Variants in CHRAC1 observed in about 807,000 individuals in gnomAD.
The protein encoded by CHRAC1 is chromatin accessibility complex subunit 1, also known as chromatin accessibility complex protein 1.
CHRAC1 carries 6 observed loss-of-function variants against 9.1 expected under a neutral mutation model. That is an observed-to-expected ratio of 0.66 (90% CI 0.36 to 1.29). CHRAC1 has a LOEUF of 1.29. Ranked by LOEUF, CHRAC1 falls within the 50% of genes most tolerant of loss-of-function variation. The pLI is 0.03. For synonymous variants in CHRAC1, 73 were observed against 64.5 expected (o/e 1.13, Z -0.63); for missense variants, 168 against 163.5 (o/e 1.03, Z -0.15).
chr8:140,511,597 A>G lies in CHRAC1; in HGVS notation c.98A>G (p.Glu33Gly). The G allele has an allele frequency of 1.3e-6, 2 of 1,489,780 alleles. No individual in the cohort carries two copies. Among genetic ancestry groups the G allele is most frequent in the Non-Finnish European group, 1.8e-6 (2 of 1,114,182 alleles). The allele number at this position is 1,489,780 out of a possible 1,614,324, so 92.3% of individuals were successfully genotyped here. A position where few individuals can be genotyped will look rare whatever the true frequency, so the allele number is the denominator to read the frequency against. Residue 33 changes from glutamate to glycine, a missense_variant, in exon 1 of 3, where the codon GAG becomes GGG. Physicochemically the swap from Glu to Gly is moderately conservative, Grantham distance 98. Transcript: ENST00000220913. ...CGGGTCATCATGAAGAGCTCCCCCG[A>G]GGTGTCCAGCATCAACCAGGAGGCG... Reference protein sequence around the residue: ...RIRVIMKSSPEVSSINQEALV... With the variant: ...RIRVIMKSSPGVSSINQEALV...
intron 1 of CHRAC1, chr8:140,511,857 C>T (rs573092980): frequency 1.4e-5 from 11 of 770,120 alleles, no homozygotes; most frequent in South Asian, 2.9e-5. Context: ...CCGCCCACCC[C>T]TCGCCGCTCC....
At position 140,516,579 on chromosome 8, in the gene CHRAC1, C is replaced by CCTCTGT. The variant is rs2072339973; in HGVS notation, c.*1332_*1333insCTCTGT. 2 of 152,214 alleles carry CCTCTGT rather than the reference C, an allele frequency of 1.3e-5. No homozygotes were observed. Among genetic ancestry groups the CCTCTGT allele is most frequent in the Non-Finnish European group, 2.9e-5 (2 of 68,046 alleles). 9.4% of individuals were successfully genotyped at this position (152,214 alleles called of 1,614,324 possible). A position where few individuals can be genotyped will look rare whatever the true frequency, so the allele number is the denominator to read the frequency against. On this transcript the variant is annotated 3_prime_UTR_variant, in exon 3 of 3. Transcript: ENST00000220913. The stretch of plus-strand genomic sequence containing the variant: ...TAACCAATCGATAGGACAGTTCTGC[C>CCTCTGT]ACCCAGGACATTCCCCTCTGTTCCT...
rs762115139 is a variant in CHRAC1 at position 140,511,534 on chromosome 8, G to A, written c.35G>A (p.Gly12Glu). ...ADVVVGKDKGGEQRLISLPLS... is the reference protein window; with the variant it reads ...ADVVVGKDKGEEQRLISLPLS... ...GTGGTCGTGGGTAAAGACAAGGGCG[G>A]GGAGCAGCGGCTCATCTCGCTGCCT... The change falls in exon 1 of 3, where the codon GGG (glycine) becomes GAG (glutamate). Residue 12 changes from glycine to glutamate, a missense_variant. Transcript: ENST00000220913. The A allele has an allele frequency of 1.4e-6, 2 of 1,410,476 alleles. No individual in the cohort carries two copies. The highest frequency in any genetic ancestry group is 5.8e-5 in the Admixed American group (2 of 34,730). The allele number at this position is 1,410,476 out of a possible 1,614,324, so 87.4% of individuals were successfully genotyped here.
At position 140,511,590 on chromosome 8, in the gene CHRAC1, T is replaced by TC; in HGVS notation, c.96dup (p.Glu33ArgfsTer44). 6.7e-7 allele frequency: 1 copy of TC among 1,486,086 alleles called. No homozygotes were observed. 92.1% of individuals were successfully genotyped at this position (1,486,086 alleles called of 1,614,324 possible). A position where few individuals can be genotyped will look rare whatever the true frequency, so the allele number is the denominator to read the frequency against. On this transcript the variant is annotated frameshift_variant, in exon 1 of 3. Coordinates refer to ENST00000220913, the MANE Select transcript of CHRAC1 (RefSeq NM_017444.6). LOFTEE classifies it high-confidence loss of function. ...CCGCATCCGGGTCATCATGAAGAGC[T>TC]CCCCCGAGGTGTCCAGCATCAACCA...
intron 1 of CHRAC1, among the ~76,000 whole-genome samples, chr8:140,513,432 C>T (rs1031154533): frequency 1.3e-5 from 2 of 151,728 alleles, no homozygotes; most frequent in Non-Finnish European, 2.9e-5. Context: ...TTGCTACTTT[C>T]TATTTTTTTT....
chr8:140,511,916 C>T, intron 1 of CHRAC1: 2 of 1,145,336 alleles, frequency 1.7e-6, no homozygotes, highest in South Asian at 1.3e-5. Context: ...CCTCTCCCGC[C>T]CTTTGTCGCC....
Position 140,511,666 on chromosome 8 carries a change from G to C in CHRAC1, c.147+20G>C. 1.5e-6 allele frequency: 2 copies of C among 1,365,736 alleles called. No individual in the cohort carries two copies. The highest frequency in any genetic ancestry group is 1.9e-6 in the Non-Finnish European group (2 of 1,052,682). The allele number at this position is 1,365,736 out of a possible 1,614,324, so 84.6% of individuals were successfully genotyped here. ...GCCACGGTGAGGGGGCAGGGCGGGG[G>C]TGTGGGCCGCCCTTACCCCTCGCGC... On this transcript the variant is annotated intron_variant, in intron 1 of 2. Transcript: ENST00000220913.
chr8:140,513,783 A>G lies in CHRAC1; in HGVS notation c.148-586A>G, dbSNP rs368000918. Among the ~76,000 whole-genome samples the G allele has an allele frequency of 3.4e-4, 51 of 152,090 alleles. No homozygotes were observed. The South Asian group carries it at 0.01, about 30-fold the overall frequency. Reference sequence around the variant, plus strand: ...TTACTCTAGAGGTTGGTCATTAAACAGTTACGATTCATCTTTTTCGTAAGT... The same window carrying G: ...TTACTCTAGAGGTTGGTCATTAAACGGTTACGATTCATCTTTTTCGTAAGT... On this transcript the variant is annotated intron_variant, in intron 1 of 2. Transcript: ENST00000220913.
intron 2 of CHRAC1, 129 bp from the exon 3 acceptor site, chr8:140,514,997 G>A: frequency 1.1e-6 from 1 of 889,306 alleles, no homozygotes; most frequent in Non-Finnish European, 1.8e-6. Context: ...CAGAAATGCA[G>A]CCTGAATTTC....
Position 140,516,580 on chromosome 8 carries a change from A to T in CHRAC1, c.*1333A>T, listed in dbSNP as rs2072339996. 2 of 152,202 alleles carry T rather than the reference A, an allele frequency of 1.3e-5. No homozygotes were observed. Among genetic ancestry groups the T allele is most frequent in the Non-Finnish European group, 2.9e-5 (2 of 68,036 alleles). The allele number at this position is 152,202 out of a possible 1,614,324, so 9.4% of individuals were successfully genotyped here. A position where few individuals can be genotyped will look rare whatever the true frequency, so the allele number is the denominator to read the frequency against. ...AACCAATCGATAGGACAGTTCTGCCACCCAGGACATTCCCCTCTGTTCCTC... is the reference window on the plus strand; with the variant it reads ...AACCAATCGATAGGACAGTTCTGCCTCCCAGGACATTCCCCTCTGTTCCTC... On this transcript the variant is annotated 3_prime_UTR_variant, in exon 3 of 3. Transcript: ENST00000220913.
intron 1 of CHRAC1, among the ~76,000 whole-genome samples, chr8:140,512,400 C>T (rs2132813830): frequency 6.6e-6 from 1 of 152,352 alleles, no homozygotes; most frequent in South Asian, 2.1e-4. Flanking sequence ...CAGCACATTC[C>T]CCAACCAGAA....
chr8:140,511,954 C>G, intron 1 of CHRAC1: 1 of 1,278,860 alleles, frequency 7.8e-7, no homozygotes, highest in Non-Finnish European at 1.0e-6. Context: ...CCCCTTCCTT[C>G]CGTGCGCACC....
At chr8:140,512,187 C>T (rs2072284215) in intron 1 of CHRAC1, among the ~76,000 whole-genome samples, 1 of 152,118 alleles carries the variant, frequency 6.6e-6, no homozygotes, top group South Asian at 2.1e-4. Flanking sequence ...CCCGCGACTC[C>T]CTACTCCCGG....
At chr8:140,511,670 G>A (rs750051650) in intron 1 of CHRAC1, 24 bp downstream of exon 1, 5 of 1,348,858 alleles carry the variant, frequency 3.7e-6, no homozygotes, top group Non-Finnish European at 4.8e-6. Context: ...GCGGGGGTGT[G>A]GGCCGCCCTT....
intron 1 of CHRAC1, among the ~76,000 whole-genome samples, chr8:140,512,261 G>A (rs1379431903): frequency 6.6e-6 from 1 of 151,986 alleles, no homozygotes; most frequent in African/African-American, 2.4e-5. Context: ...CCAGTGTCCC[G>A]TGGGAGGGGC....
rs1001387539 is a variant in CHRAC1, at chr8:140,511,371, T to G, written c.-129T>G. 2.4e-5 allele frequency: 20 copies of G among 842,426 alleles called. No homozygotes were observed. The highest frequency in any genetic ancestry group is 1.8e-4 in the African/African-American group (10 of 56,436). 52.2% of individuals were successfully genotyped at this position (842,426 alleles called of 1,614,324 possible). On this transcript the variant is annotated 5_prime_UTR_variant, in exon 1 of 3. Coordinates refer to ENST00000220913, the MANE Select transcript of CHRAC1 (RefSeq NM_017444.6). ...ACGGGCCGCTCCCGGCCTCGCGGCC[T>G]CGCCTCCCCACACTACAACTCCCAC...
chr8:140,514,153 G>GCCT, intron 1 of CHRAC1: 1 of 384,140 alleles, frequency 2.6e-6, no homozygotes, highest in East Asian at 7.0e-5. Flanking sequence ...TGAGCCGCCT[G>GCCT]CCTCAGCCTC....
Position 140,515,318 on chromosome 8 carries a change from C to T in CHRAC1, c.*71C>T. The T allele has an allele frequency of 1.4e-6, 2 of 1,480,038 alleles. No individual in the cohort carries two copies. Among genetic ancestry groups the T allele is most frequent in the East Asian group, 2.3e-5 (1 of 44,014 alleles). 91.7% of individuals were successfully genotyped at this position (1,480,038 alleles called of 1,614,324 possible). A position where few individuals can be genotyped will look rare whatever the true frequency, so the allele number is the denominator to read the frequency against. ...CCACTCCACTGTCTCTAAGTAAACACAGCACTGCCCGCTTTTAGCGTCTTC... is the reference window on the plus strand; with the variant it reads ...CCACTCCACTGTCTCTAAGTAAACATAGCACTGCCCGCTTTTAGCGTCTTC... On this transcript the variant is annotated 3_prime_UTR_variant, in exon 3 of 3. Coordinates refer to ENST00000220913, the MANE Select transcript of CHRAC1 (RefSeq NM_017444.6).
intron 1 of CHRAC1, chr8:140,511,855 C>CCCACTGT: frequency 1.3e-6 from 1 of 752,882 alleles, no homozygotes; most frequent in South Asian, 1.4e-5. Flanking sequence ...CCCCGCCCAC[C>CCCACTGT]CCTCGCCGCT....
Sources: allele counts gnomAD v4.1 joint callset (sites outside exome capture counted in the v4.1 genomes callset), GRCh38; gene constraint gnomAD v4.1.1; transcripts MANE v1.5; gene names NCBI Gene and HGNC (gene_info 2026-07-23, HGNC 2026-07-21).